Variants in ITPR2 observed in about 807,000 individuals in gnomAD.
The protein encoded by ITPR2 is inositol 1,4,5-trisphosphate-gated calcium channel ITPR2.
A neutral mutation model predicts 317.1 loss-of-function variants in ITPR2; 207 were observed. The observed-to-expected ratio is 0.65, with a 90% CI of 0.58 to 0.73. ITPR2 has a LOEUF of 0.73. ITPR2 is among the 30% of genes least tolerant of loss of function. The pLI, the probability that ITPR2 is intolerant of heterozygous loss-of-function variation, is 0.00. For synonymous variants in ITPR2, 1,156 were observed against 1,149.1 expected (o/e 1.01, Z -0.12); for missense variants, 2,613 against 3,284.0 (o/e 0.80, Z 4.99).
rs574346946 is a variant in ITPR2, at chr12:26,461,488, C to T, written c.6342+13808G>A. ...TCTCTAGAATGGCAGAGTTGAGTAT[C>T]TGCAACAGAGACAGTATAACCTGAA... is the stretch of plus-strand genomic sequence containing the variant. On this transcript the variant is annotated intron_variant, in intron 45 of 56. Coordinates refer to ENST00000381340, the MANE Select transcript of ITPR2 (RefSeq NM_002223.4). Among the ~76,000 whole-genome samples the T allele has an allele frequency of 2.1e-4, 32 of 151,758 alleles. 1 individual carries two copies. The highest frequency in any genetic ancestry group is 4.0e-4 in the Non-Finnish European group (27 of 67,980).
intron 55 of ITPR2, among the ~76,000 whole-genome samples, chr12:26,360,289 G>A (rs1279141259): frequency 6.6e-6 from 1 of 152,094 alleles, no homozygotes; most frequent in African/African-American, 2.4e-5. Flanking sequence ...CTCTTACCGG[G>A]GGGCTCAGAG....
intron 21 of ITPR2, 47 bp from the exon 22 acceptor site, chr12:26,632,106 T>C (rs1946767556): frequency 7.0e-7 from 1 of 1,433,402 alleles, no homozygotes; most frequent in South Asian, 1.5e-5. Flanking sequence ...CCCCTGGAGA[T>C]CATGTAACTA....
At chr12:26,382,602 T>C (rs1939541433) in intron 55 of ITPR2, among the ~76,000 whole-genome samples, 1 of 151,956 alleles carries the variant, frequency 6.6e-6, no homozygotes, top group Non-Finnish European at 1.5e-5. Context: ...GAGGCAGAGG[T>C]TGCAGTGAGC....
chr12:26,478,283 G>A (rs1465614255), intron 43 of ITPR2, among the ~76,000 whole-genome samples: 1 of 151,978 alleles, frequency 6.6e-6, no homozygotes, highest in African/African-American at 2.4e-5. Context: ...TGGAGGAAAG[G>A]GAGTATTATC....
intron 2 of ITPR2, among the ~76,000 whole-genome samples, chr12:26,771,519 T>C (rs35190680): frequency 0.2 from 31,042 of 152,104 alleles, 3,826 homozygotes; most frequent in Non-Finnish European, 0.28. Flanking sequence ...TTATTGTTTT[T>C]GTTTTGTTTT....
At chr12:26,710,167 T>C (rs890589212) in intron 9 of ITPR2, among the ~76,000 whole-genome samples, 1 of 152,142 alleles carries the variant, frequency 6.6e-6, no homozygotes, top group Admixed American at 6.5e-5. Flanking sequence ...CTGGGAGGCA[T>C]AGGTTGAGTG....
rs1939301432 is a variant in ITPR2 at position 26,375,227 on chromosome 12, A to G, written c.7857+12207T>C. On this transcript the variant is annotated intron_variant, in intron 55 of 56. Transcript: ENST00000381340. ...TCTTACCGTAATGACTAGAACTGGG[A>G]AACAAGAATTTTCTTCAGCACAGCA... is the stretch of plus-strand genomic sequence containing the variant. Among the ~76,000 whole-genome samples, 3 of 152,236 alleles carry G rather than the reference A, an allele frequency of 2.0e-5. No individual in the cohort carries two copies. The South Asian group carries it at 6.2e-4, about 31-fold the overall frequency.
At chr12:26,627,713 G>A (rs145956239) in intron 23 of ITPR2, among the ~76,000 whole-genome samples, 6,225 of 152,056 alleles carry the variant, frequency 0.041, 460 homozygotes, top group African/African-American at 0.14. Flanking sequence ...ATAAGTGGGA[G>A]TTCAACAATA....
intron 2 of ITPR2, among the ~76,000 whole-genome samples, chr12:26,756,203 C>A (rs1369970354): frequency 6.6e-6 from 1 of 152,128 alleles, no homozygotes; most frequent in Admixed American, 6.6e-5. Context: ...AACTATGGTA[C>A]ATCTGTTATT....
intron 54 of ITPR2, among the ~76,000 whole-genome samples, chr12:26,397,990 G>T (rs988427402): frequency 6.6e-6 from 1 of 151,584 alleles, no homozygotes. Flanking sequence ...GATGATGAGG[G>T]CAATGAGAAG....
At chr12:26,674,699 A>C (rs1947868144) in intron 13 of ITPR2, among the ~76,000 whole-genome samples, 1 of 152,256 alleles carries the variant, frequency 6.6e-6, no homozygotes, top group Non-Finnish European at 1.5e-5. Flanking sequence ...GACAAATGGG[A>C]TCTAATTCAA....
chr12:26,520,944 T>C lies in ITPR2; in HGVS notation c.5074-25684A>G, dbSNP rs141621584. On this transcript the variant is annotated intron_variant, in intron 37 of 56. Transcript: ENST00000381340. Reference sequence around the variant, plus strand: ...AAGTAGAATTAGTTTATGTAAGGAATATAACATGCTCCTTTTTAGAGCATC... The same window carrying C: ...AAGTAGAATTAGTTTATGTAAGGAACATAACATGCTCCTTTTTAGAGCATC... 1.1e-4 allele frequency among the ~76,000 whole-genome samples: 16 copies of C among 152,358 alleles called. No homozygotes were observed. The East Asian group carries it at 2.9e-3, about 28-fold the overall frequency.
rs1051364349 is a variant in ITPR2, at chr12:26,578,976, A to C, written c.4510-143T>G. ...TTCAGTGCTAGTTAATAAATATCTC[A>C]TTCATGAAACATTTATTAGATACTC... On this transcript the variant is annotated intron_variant, in intron 33 of 56. Coordinates refer to ENST00000381340, the MANE Select transcript of ITPR2 (RefSeq NM_002223.4). The C allele has an allele frequency of 2.6e-5, 19 of 743,800 alleles. No homozygotes were observed. In the African/African-American group the frequency reaches 2.6e-4, roughly 10 times the overall value. The allele number at this position is 743,800 out of a possible 1,614,324, so 46.1% of individuals were successfully genotyped here.
At chr12:26,620,567 A>G (rs964247267) in intron 26 of ITPR2, among the ~76,000 whole-genome samples, 3 of 152,216 alleles carry the variant, frequency 2.0e-5, no homozygotes, top group African/African-American at 7.2e-5. Flanking sequence ...GGTTATAGGT[A>G]CTTAGTGAAA....
rs1938083302 is a variant in ITPR2, at chr12:26,340,720, G to A, written c.7858-392C>T. On this transcript the variant is annotated intron_variant, in intron 55 of 56. Coordinates refer to ENST00000381340, the MANE Select transcript of ITPR2 (RefSeq NM_002223.4). ...CCCCCTGGCACACAAGAGAAGTGGG[G>A]GGATGGTATAGGAAAGTGGTAAAAG... 1.3e-5 allele frequency among the ~76,000 whole-genome samples: 2 copies of A among 152,124 alleles called. 1 individual carries two copies. The highest frequency in any genetic ancestry group is 4.1e-4 in the South Asian group (2 of 4,822).
chr12:26,570,001 G>T (rs1202127027), intron 34 of ITPR2, among the ~76,000 whole-genome samples: 1 of 152,138 alleles, frequency 6.6e-6, no homozygotes, highest in African/African-American at 2.4e-5. Context: ...TATTTTAATA[G>T]TCATGAAATG....
chr12:26,624,404 GAGCC>G, intron 23 of ITPR2, 48 bp from the exon 24 acceptor site: 1 of 1,312,844 alleles, frequency 7.6e-7, no homozygotes, highest in Non-Finnish European at 1.1e-6. Flanking sequence ...TTTTAATTAG[GAGCC>G]ATAATAGTCA....
intron 26 of ITPR2, 63 bp from the exon 27 acceptor site, chr12:26,602,769 T>C (rs1946031261): frequency 8.9e-6 from 6 of 674,982 alleles, no homozygotes; most frequent in Non-Finnish European, 1.4e-5. Context: ...TTTATTTCTT[T>C]TGTATTAAAT....
intron 54 of ITPR2, among the ~76,000 whole-genome samples, chr12:26,393,594 C>T (rs958463013): frequency 2.1e-4 from 32 of 152,222 alleles, no homozygotes; most frequent in African/African-American, 7.0e-4. Context: ...TAAATATTCA[C>T]GCTGAATTTG....
Sources: gnomAD v4.1 joint callset for allele counts (sites outside exome capture counted in the v4.1 genomes callset) on GRCh38, gnomAD v4.1.1 for gene constraint, MANE v1.5 for transcripts, NCBI Gene and HGNC (gene_info 2026-07-23, HGNC 2026-07-21) for gene names.